Variants in WDR41 observed in about 807,000 individuals in gnomAD.
The protein encoded by WDR41 is WD repeat domain 41, also known as WD repeat-containing protein 41.
Under a neutral mutation model 69.3 loss-of-function variants are expected in WDR41, and 63 were observed. The ratio of observed to expected loss-of-function variants is 0.91; its 90% CI spans 0.74 to 1.12. The LOEUF is 1.12. Ranked by LOEUF, WDR41 falls within the 50% of genes most tolerant of loss-of-function variation. The pLI is 0.00. For missense variants in WDR41, 543 were observed against 534.5 expected (o/e 1.02, Z -0.16); for synonymous variants, 185 against 192.1 (o/e 0.96, Z 0.31).
intron 2 of WDR41, among the ~76,000 whole-genome samples, chr5:77,474,539 A>C (rs1166550739): frequency 6.6e-6 from 1 of 152,208 alleles, no homozygotes; most frequent in Non-Finnish European, 1.5e-5. Flanking sequence ...AAAGGAGTTG[A>C]AGGAAACGTC....
intron 10 of WDR41, among the ~76,000 whole-genome samples, 194 bp from the exon 11 acceptor site, chr5:77,437,618 G>A (rs550595194): frequency 1.3e-5 from 2 of 152,214 alleles, no homozygotes; most frequent in South Asian, 2.1e-4. Context: ...CATGTTACTC[G>A]TTACATTAGC....
chr5:77,435,136 C>A (rs1389714317), intron 12 of WDR41, among the ~76,000 whole-genome samples: 1 of 152,144 alleles, frequency 6.6e-6, no homozygotes, highest in Non-Finnish European at 1.5e-5. Context: ...GCTCACCTCC[C>A]AACCATAAAC....
At chr5:77,616,503 C>A (rs1474702983) in intron 1 of WDR41, among the ~76,000 whole-genome samples, 1 of 152,180 alleles carries the variant, frequency 6.6e-6, no homozygotes, top group Non-Finnish European at 1.5e-5. Context: ...GAAAGTGAGG[C>A]TAATTTCAGA....
chr5:77,482,198 A>C (rs1801302539), intron 2 of WDR41, among the ~76,000 whole-genome samples: 1 of 152,190 alleles, frequency 6.6e-6, no homozygotes, highest in South Asian at 2.1e-4. Context: ...ACCCCTCTGT[A>C]AATTATTTTG....
At chr5:77,571,398 A>T (rs1477016630) in intron 1 of WDR41, among the ~76,000 whole-genome samples, 2 of 152,152 alleles carry the variant, frequency 1.3e-5, no homozygotes, top group Admixed American at 1.3e-4. Context: ...GAAAAAGAAC[A>T]GGAGGAACAT....
chr5:77,600,542 A>G (rs1744304069), intron 1 of WDR41, among the ~76,000 whole-genome samples: 1 of 152,188 alleles, frequency 6.6e-6, no homozygotes, highest in Non-Finnish European at 1.5e-5. Flanking sequence ...ACATTTGTCA[A>G]AACTCAGAGC....
intron 5 of WDR41, among the ~76,000 whole-genome samples, chr5:77,454,693 GAGA>G (rs1419498385): frequency 1.3e-5 from 2 of 152,200 alleles, no homozygotes; most frequent in South Asian, 2.1e-4. Context: ...AAGAGCGAGA[GAGA>G]AGAACAGAAA....
chr5:77,618,050 A>G (rs1454230803), intron 1 of WDR41, among the ~76,000 whole-genome samples: 1 of 152,184 alleles, frequency 6.6e-6, no homozygotes, highest in African/African-American at 2.4e-5. Context: ...AATAATGTTA[A>G]TTTTCAGTCA....
At chr5:77,528,450 C>G (rs1214001412) in intron 1 of WDR41, among the ~76,000 whole-genome samples, 1 of 146,204 alleles carries the variant, frequency 6.8e-6, no homozygotes, top group Non-Finnish European at 1.5e-5. Context: ...TTCCACCAAA[C>G]AGTCAAGGAA....
At chr5:77,473,758 C>G (rs1800746026) in intron 2 of WDR41, among the ~76,000 whole-genome samples, 1 of 152,134 alleles carries the variant, frequency 6.6e-6, no homozygotes, top group African/African-American at 2.4e-5. Flanking sequence ...CCATCTCACA[C>G]CAGTTAGAAT....
chr5:77,437,895 A>AT (rs1799008548), intron 10 of WDR41, among the ~76,000 whole-genome samples: 1 of 152,216 alleles, frequency 6.6e-6, no homozygotes, highest in Non-Finnish European at 1.5e-5. Context: ...CAACCATTTG[A>AT]TTCTGGCCAT....
intron 2 of WDR41, among the ~76,000 whole-genome samples, chr5:77,467,084 C>A (rs1800338543): frequency 6.6e-6 from 1 of 151,620 alleles, no homozygotes; most frequent in South Asian, 2.1e-4. Context: ...GGAAATACAA[C>A]CCAAGAATTC....
At chr5:77,498,839 AAAAG>A (rs1801973933) in intron 1 of WDR41, among the ~76,000 whole-genome samples, 1 of 144,872 alleles carries the variant, frequency 6.9e-6, no homozygotes, top group Non-Finnish European at 1.5e-5. Context: ...AGAAAAAAGA[AAAAG>A]AAAAAAAGAA....
chr5:77,564,964 T>C (rs78638827), intron 1 of WDR41, among the ~76,000 whole-genome samples: 3,616 of 152,238 alleles, frequency 0.024, 126 homozygotes, highest in African/African-American at 0.079. Flanking sequence ...CTTTAATGTG[T>C]CATTCAAATT....
intron 1 of WDR41, among the ~76,000 whole-genome samples, chr5:77,576,796 G>A (rs193114175): frequency 5.3e-5 from 8 of 152,090 alleles, no homozygotes; most frequent in South Asian, 4.2e-4. Context: ...CTCCCTGCTC[G>A]CTCCTATCAT....
chr5:77,504,740 A>C (rs1802079095), intron 1 of WDR41, among the ~76,000 whole-genome samples: 1 of 152,192 alleles, frequency 6.6e-6, no homozygotes, highest in South Asian at 2.1e-4. Context: ...CAATAAACGT[A>C]ATCCATCACA....
intron 1 of WDR41, among the ~76,000 whole-genome samples, chr5:77,550,812 A>G (rs372418397): frequency 6.6e-6 from 1 of 152,236 alleles, no homozygotes; most frequent in South Asian, 2.1e-4. Flanking sequence ...TACTCATAAT[A>G]GCAAAGACAT....
At chr5:77,459,858 C>T (rs1474184050) in intron 4 of WDR41, among the ~76,000 whole-genome samples, 1 of 152,164 alleles carries the variant, frequency 6.6e-6, no homozygotes, top group Non-Finnish European at 1.5e-5. Flanking sequence ...TACAGATGTG[C>T]CTTGACTTAA....
intron 8 of WDR41, among the ~76,000 whole-genome samples, chr5:77,446,745 CCCTTCCTTACA>C (rs1287762205): frequency 6.6e-6 from 1 of 152,110 alleles, no homozygotes; most frequent in African/African-American, 2.4e-5. Context: ...GACACTGGAC[CCCTTCCTTACA>C]CCTTATACAA....
Sources: allele counts gnomAD v4.1 joint callset (sites outside exome capture counted in the v4.1 genomes callset), GRCh38; gene constraint gnomAD v4.1.1; transcripts MANE v1.5; gene names NCBI Gene and HGNC (gene_info 2026-07-23, HGNC 2026-07-21).